The following NCOA3 variants were observed in gnomAD, a reference collection of about 807,000 sequenced individuals.
NCOA3 encodes the protein nuclear receptor coactivator 3, also known as CBP-interacting protein.
Under a neutral mutation model 158.8 loss-of-function variants are expected in NCOA3, and 51 were observed. That is an observed-to-expected ratio of 0.32 (90% CI 0.26 to 0.41). The LOEUF is 0.41. NCOA3 is among the 10% of genes least tolerant of loss of function. NCOA3 has a pLI of 1.00. For synonymous variants in NCOA3, 537 were observed against 592.4 expected, an observed-to-expected ratio of 0.91 and a Z score of 1.36; for missense variants, 1,510 against 1,746.6, an observed-to-expected ratio of 0.86 and a Z score of 2.41.
At chr20:47,591,585 A>G (rs1227186770) in intron 2 of NCOA3, among the ~76,000 whole-genome samples, 1 of 152,204 alleles carries the variant, frequency 6.6e-6, no homozygotes, top group African/African-American at 2.4e-5. Flanking sequence ...TTTCATTTCC[A>G]GAATTGTTTA....
At chr20:47,512,001 C>T (rs2084149827) in intron 1 of NCOA3, among the ~76,000 whole-genome samples, 1 of 151,792 alleles carries the variant, frequency 6.6e-6, no homozygotes, top group South Asian at 2.1e-4. Flanking sequence ...TACACTTGTA[C>T]CCCATAAATT....
intron 1 of NCOA3, among the ~76,000 whole-genome samples, chr20:47,528,351 AAATG>A (rs1234202893): frequency 6.6e-6 from 1 of 152,220 alleles, no homozygotes; most frequent in Non-Finnish European, 1.5e-5. Flanking sequence ...TATCTAATAA[AAATG>A]AATAAATAAT....
chr20:47,515,996 G>A (rs2084227723), intron 1 of NCOA3, among the ~76,000 whole-genome samples: 2 of 152,176 alleles, frequency 1.3e-5, no homozygotes, highest in African/African-American at 4.8e-5. Context: ...CAAAATTTTG[G>A]AAACACTAGA....
chr20:47,622,364 T>G, intron 3 of NCOA3, 34 bp downstream of exon 3: 1 of 1,338,002 alleles, frequency 7.5e-7, no homozygotes. Flanking sequence ...TTTACCACAC[T>G]TGTTGTGCCT....
At chr20:47,541,720 G>A (rs1037579995) in intron 1 of NCOA3, among the ~76,000 whole-genome samples, 1 of 151,144 alleles carries the variant, frequency 6.6e-6, no homozygotes, top group Non-Finnish European at 1.5e-5. Context: ...GCAAATACTA[G>A]ACATTATATA....
At position 47,567,373 on chromosome 20, in the gene NCOA3, A is replaced by C. The variant is rs534664896; in HGVS notation, c.-98-15810A>C. Reference sequence around the variant, plus strand: ...ACTTTGTTTTGTTTGATGTAACATAAAATATTTGAGTACTTTTCTTTCTTT... The same window carrying C: ...ACTTTGTTTTGTTTGATGTAACATACAATATTTGAGTACTTTTCTTTCTTT... On this transcript the variant is annotated intron_variant, in intron 1 of 22. Coordinates refer to ENST00000371998, the MANE Select transcript of NCOA3 (RefSeq NM_181659.3). Among the ~76,000 whole-genome samples, 11 of 151,694 alleles carry C rather than the reference A, an allele frequency of 7.3e-5. No homozygotes were observed. The East Asian group carries it at 1.8e-3, about 24-fold the overall frequency.
At chr20:47,540,223 G>A (rs2084700785) in intron 1 of NCOA3, among the ~76,000 whole-genome samples, 1 of 152,106 alleles carries the variant, frequency 6.6e-6, no homozygotes, top group Non-Finnish European at 1.5e-5. Context: ...GAGATACTTA[G>A]TTGGCATGGC....
At chr20:47,520,010 C>T (rs1452581321) in intron 1 of NCOA3, among the ~76,000 whole-genome samples, 4 of 133,458 alleles carry the variant, frequency 3.0e-5, no homozygotes, top group African/African-American at 5.7e-5. Flanking sequence ...GATCCGCCGG[C>T]TTCAGCCTCC....
chr20:47,519,549 G>A (rs2084292594), intron 1 of NCOA3, among the ~76,000 whole-genome samples: 1 of 152,106 alleles, frequency 6.6e-6, no homozygotes, highest in Admixed American at 6.6e-5. Flanking sequence ...GGGAGAAGAT[G>A]GAGAAAAAAC....
chr20:47,568,587 A>G (rs950437177), intron 1 of NCOA3, among the ~76,000 whole-genome samples: 2 of 152,102 alleles, frequency 1.3e-5, no homozygotes, highest in Admixed American at 1.3e-4. Flanking sequence ...CTTTAGCTCC[A>G]TGAGACCAGC....
At chr20:47,627,332 T>G (rs757140516) in intron 6 of NCOA3, among the ~76,000 whole-genome samples, 156 bp downstream of exon 6, 3 of 152,236 alleles carry the variant, frequency 2.0e-5, no homozygotes, top group Non-Finnish European at 4.4e-5. Context: ...AGTCAGTGAA[T>G]TAAAAATTTG....
At chr20:47,521,470 C>T (rs1262566638) in intron 1 of NCOA3, among the ~76,000 whole-genome samples, 1 of 152,106 alleles carries the variant, frequency 6.6e-6, no homozygotes. Context: ...ACGCACGTGG[C>T]CTCTGCTGCT....
chr20:47,593,175 C>T (rs2085677190), intron 2 of NCOA3, among the ~76,000 whole-genome samples: 1 of 151,918 alleles, frequency 6.6e-6, no homozygotes, highest in Admixed American at 6.6e-5. Flanking sequence ...TCAGGTGATC[C>T]ACCTGCCTCG....
chr20:47,623,773 A>T, intron 3 of NCOA3, 138 bp from the exon 4 acceptor site: 1 of 752,332 alleles, frequency 1.3e-6, no homozygotes, highest in Non-Finnish European at 2.0e-6. Context: ...GGGCAACAAG[A>T]GCGAAAACTC....
intron 1 of NCOA3, among the ~76,000 whole-genome samples, chr20:47,517,459 T>C (rs896513557): frequency 1.4e-5 from 2 of 144,810 alleles, no homozygotes; most frequent in Admixed American, 6.7e-5. Flanking sequence ...TTCTTTTTTT[T>C]TTTTTTTTTG....
chr20:47,520,932 A>C (rs2084321534), intron 1 of NCOA3, among the ~76,000 whole-genome samples: 1 of 152,194 alleles, frequency 6.6e-6, no homozygotes, highest in Non-Finnish European at 1.5e-5. Flanking sequence ...CACTCTGTCC[A>C]GCAGTAGGAC....
intron 1 of NCOA3, among the ~76,000 whole-genome samples, chr20:47,520,932 A>G (rs2084321534): frequency 6.6e-6 from 1 of 152,074 alleles, no homozygotes; most frequent in African/African-American, 2.4e-5. Flanking sequence ...CACTCTGTCC[A>G]GCAGTAGGAC....
chr20:47,518,952 A>G (rs984591027), intron 1 of NCOA3, among the ~76,000 whole-genome samples: 11 of 151,088 alleles, frequency 7.3e-5, no homozygotes, highest in Non-Finnish European at 1.3e-4. Flanking sequence ...CCTGGCCAAC[A>G]TGGTGAAACC....
chr20:47,638,549 A>C (rs1475291837), intron 13 of NCOA3, among the ~76,000 whole-genome samples: 1 of 152,194 alleles, frequency 6.6e-6, no homozygotes. Context: ...TGGGGGGGAA[A>C]AAAAGAAGGT....
Sources: allele counts gnomAD v4.1 joint callset (sites outside exome capture counted in the v4.1 genomes callset), GRCh38; gene constraint gnomAD v4.1.1; transcripts MANE v1.5; gene names NCBI Gene and HGNC (gene_info 2026-07-23, HGNC 2026-07-21).